SLBP: variants seen among roughly 807,000 people sequenced by gnomAD.
The protein encoded by SLBP is stem-loop histone mRNA binding protein.
In SLBP, 29 loss-of-function variants were observed where a neutral mutation model predicts 39.2. That is an observed-to-expected ratio of 0.74 (90% confidence interval 0.55 to 1.01). SLBP has a LOEUF of 1.01. Among genes scored for constraint, SLBP ranks in the 50% least tolerant of loss-of-function variants. The pLI is 0.00. For synonymous variants in SLBP, 129 were observed against 118.7 expected, an observed-to-expected ratio of 1.09 and a Z score of -0.57; for missense variants, 390 against 350.2, an observed-to-expected ratio of 1.11 and a Z score of -0.91.
Position 1,712,143 on chromosome 4 carries a change from C to A in SLBP, c.46G>T (p.Asp16Tyr). The A allele has an allele frequency of 8.1e-7, 1 of 1,230,508 alleles. No individual in the cohort carries two copies. The highest frequency in any genetic ancestry group is 1.0e-6 in the Non-Finnish European group (1 of 987,942). 76.2% of individuals were successfully genotyped at this position (1,230,508 alleles called of 1,614,324 possible). ...RSPPRHQSRC[D>Y]GDASPPSPAR... The stretch of plus-strand genomic sequence containing the variant: ...GCCCGGCCTCACCTGGCGTCACCGT[C>A]GCAGCGGCTCTGATGCCTCGGCGGG... The change falls in exon 1 of 8, where the codon GAC (aspartate) becomes TAC (tyrosine). Residue 16 changes from aspartate to tyrosine, a missense_variant. By Grantham distance (160) the Asp-to-Tyr change is radical. Coordinates refer to ENST00000489418, the MANE Select transcript of SLBP (RefSeq NM_006527.4).
chr4:1,700,148 G>C lies in SLBP; in HGVS notation c.282-78C>G, dbSNP rs927497971. On this transcript the variant is annotated intron_variant, in intron 3 of 7. Transcript: ENST00000489418. ...GCCAGGTCTGAGGAAGCTCCACCCT[G>C]ATGCCCGCAGGCACACCATCCTATG... 3 of 917,730 alleles carry C rather than the reference G, an allele frequency of 3.3e-6. No individual in the cohort carries two copies. In the African/African-American group the frequency reaches 5.0e-5, roughly 15 times the overall value. 56.8% of individuals were successfully genotyped at this position (917,730 alleles called of 1,614,324 possible).
intron 2 of SLBP, among the ~76,000 whole-genome samples, chr4:1,704,564 C>G (rs190963093): frequency 2.6e-5 from 4 of 152,114 alleles, no homozygotes; most frequent in African/African-American, 9.7e-5. Flanking sequence ...TTTCACAGAT[C>G]GCGGGCACAT....
intron 5 of SLBP, among the ~76,000 whole-genome samples, chr4:1,699,070 C>T (rs1716230123): frequency 6.6e-6 from 1 of 152,172 alleles, no homozygotes; most frequent in Non-Finnish European, 1.5e-5. Flanking sequence ...TGAGCCATTG[C>T]ACCTGGCCCA....
intron 3 of SLBP, among the ~76,000 whole-genome samples, chr4:1,700,785 G>T (rs1716295908): frequency 6.6e-6 from 1 of 152,002 alleles, no homozygotes; most frequent in African/African-American, 2.4e-5. Context: ...GGCTGCTCTT[G>T]AACTCCTGAG....
Position 1,693,617 on chromosome 4 carries a change from C to A in SLBP, c.793G>T (p.Asp265Tyr), listed in dbSNP as rs528988924. ...GGCAGTTAGCTCATGGCTGAGAAGT[C>A]TCTCAAGGGTTCAGTTAAACAAGCT... ...LEACLTEPLR[D>Y]FSAMS The change falls in exon 8 of 8, where the codon GAC becomes TAC. Residue 265 changes from aspartate (D) to tyrosine (Y), a missense_variant. By Grantham distance (160) the Asp-to-Tyr change is radical. Coordinates refer to ENST00000489418, the MANE Select transcript of SLBP (RefSeq NM_006527.4). 1.9e-6 allele frequency: 3 copies of A among 1,611,636 alleles called. No homozygotes were observed. The East Asian group carries it at 6.7e-5, about 36-fold the overall frequency.
chr4:1,708,275 T>G (rs1021874672), intron 2 of SLBP, among the ~76,000 whole-genome samples: 10 of 152,160 alleles, frequency 6.6e-5, no homozygotes, highest in African/African-American at 2.2e-4. Context: ...ATACTAACTT[T>G]AATTACAACA....
chr4:1,704,804 T>C (rs914178615), intron 2 of SLBP, among the ~76,000 whole-genome samples: 8 of 152,200 alleles, frequency 5.3e-5, no homozygotes, highest in South Asian at 2.1e-4. Context: ...ATCTGGCCAG[T>C]GTAGACTCCT....
intron 6 of SLBP, among the ~76,000 whole-genome samples, chr4:1,695,942 A>T (rs767815804): frequency 9.9e-5 from 15 of 152,202 alleles, no homozygotes; most frequent in Non-Finnish European, 1.8e-4. Flanking sequence ...CAACAACAAA[A>T]ACAGCAAAAC....
intron 2 of SLBP, among the ~76,000 whole-genome samples, chr4:1,704,582 G>C (rs1168052244): frequency 6.6e-6 from 1 of 152,152 alleles, no homozygotes; most frequent in African/African-American, 2.4e-5. Flanking sequence ...CATCTAGACA[G>C]ATGTGTGCAT....
chr4:1,704,765 A>G (rs1263502499), intron 2 of SLBP, among the ~76,000 whole-genome samples: 1 of 152,138 alleles, frequency 6.6e-6, no homozygotes, highest in East Asian at 1.9e-4. Context: ...CCATATAATA[A>G]AAGTGCAGGT....
At position 1,711,924 on chromosome 4, in the gene SLBP, G is replaced by A. The variant is rs1188354673; in HGVS notation, c.126C>T (p.Pro42=). 9 of 1,360,792 alleles carry A rather than the reference G, an allele frequency of 6.6e-6. No homozygotes were observed. The highest frequency in any genetic ancestry group is 3.1e-5 in the East Asian group (1 of 32,474). 84.3% of individuals were successfully genotyped at this position (1,360,792 alleles called of 1,614,324 possible). A position where few individuals can be genotyped will look rare whatever the true frequency, so the allele number is the denominator to read the frequency against. Residue 42 remains proline, a synonymous_variant, in exon 2 of 8, where the codon CCC becomes CCT. Transcript: ENST00000489418. ...KRRADGRRWR[P]EDAEEAEHRG... ...GGTGCTCTGCCTCCTCGGCGTCTTC[G>A]GGCCTCCAGCGCCTGCCGTCGGCTC...
chr4:1,710,811 T>A (rs528302759), intron 2 of SLBP, among the ~76,000 whole-genome samples: 421 of 147,778 alleles, frequency 2.8e-3, no homozygotes, highest in Middle Eastern at 0.011. Flanking sequence ...GCACTTTGGG[T>A]GGCCAAGGTG....
intron 2 of SLBP, among the ~76,000 whole-genome samples, chr4:1,707,298 GAGTTCAAGACCAGCC>G (rs1716559149): frequency 3.2e-5 from 2 of 62,762 alleles, no homozygotes; most frequent in African/African-American, 1.3e-4. Flanking sequence ...AAAAAAAAAA[GAGTTCAAGACCAGCC>G]TGGCTAACAT....
At chr4:1,700,217 C>A in intron 3 of SLBP, 147 bp from the exon 4 acceptor site, 3 of 450,650 alleles carry the variant, frequency 6.7e-6, no homozygotes, top group South Asian at 5.4e-5. Context: ...TTGTCAGGTT[C>A]AGTTTAAGTA....
chr4:1,698,260 G>A (rs990159830), intron 5 of SLBP, among the ~76,000 whole-genome samples: 8 of 151,440 alleles, frequency 5.3e-5, no homozygotes, highest in African/African-American at 1.5e-4. Context: ...CAGGAGAATC[G>A]CTTGAACCCG....
In SLBP at chr4:1,699,462, G is replaced by A. The variant is rs1716243250; in HGVS notation, c.479+102C>T. 2.6e-6 allele frequency: 3 copies of A among 1,137,756 alleles called. No individual in the cohort carries two copies. The East Asian group carries it at 7.1e-5, about 27-fold the overall frequency. 70.5% of individuals were successfully genotyped at this position (1,137,756 alleles called of 1,614,324 possible). ...CCCTATTAAATAGCTCTTAGCAGGT[G>A]TGAACTATCCCCAGCATCATTTGTA... On this transcript the variant is annotated intron_variant, in intron 5 of 7. Transcript: ENST00000489418.
At chr4:1,697,035 T>C (rs746321830) in intron 5 of SLBP, among the ~76,000 whole-genome samples, 1 of 151,546 alleles carries the variant, frequency 6.6e-6, no homozygotes. Flanking sequence ...GCTTATGCCT[T>C]GAGTCCCAGC....
At chr4:1,707,585 T>C (rs941956601) in intron 2 of SLBP, among the ~76,000 whole-genome samples, 1 of 152,210 alleles carries the variant, frequency 6.6e-6, no homozygotes, top group Non-Finnish European at 1.5e-5. Context: ...ATCTTATTTA[T>C]ACATCAGACA....
At chr4:1,710,143 T>C (rs1325881630) in intron 2 of SLBP, among the ~76,000 whole-genome samples, 1 of 151,532 alleles carries the variant, frequency 6.6e-6, no homozygotes, top group Admixed American at 6.6e-5. Flanking sequence ...CCTCCCAAAG[T>C]GCTGGGATTA....
Sources: gnomAD v4.1 joint callset for allele counts (sites outside exome capture counted in the v4.1 genomes callset) on GRCh38, gnomAD v4.1.1 for gene constraint, MANE v1.5 for transcripts, NCBI Gene and HGNC (gene_info 2026-07-23, HGNC 2026-07-21) for gene names.